The following HADH variants were observed in gnomAD, a reference collection of about 807,000 sequenced individuals.
HADH encodes hydroxyacyl-coenzyme A dehydrogenase, mitochondrial.
HADH carries 24 observed loss-of-function variants against 32.2 expected under a neutral mutation model. The observed-to-expected ratio is 0.75, with a 90% CI of 0.54 to 1.05. The LOEUF (loss-of-function observed/expected upper bound fraction) is 1.05, where lower values mean the gene tolerates loss of function less well. HADH is among the 50% of genes least tolerant of loss of function. The probability of loss-of-function intolerance (pLI) is 0.00; values close to 1 mark genes in which losing one functional copy is unlikely to be tolerated. For missense variants in HADH, 350 were observed against 397.1 expected (o/e 0.88, Z 1.01); for synonymous variants, 139 against 152.5 (o/e 0.91, Z 0.65).
chr4:108,015,700 C>T (rs934400549), intron 3 of HADH, among the ~76,000 whole-genome samples: 1 of 152,156 alleles, frequency 6.6e-6, no homozygotes, highest in Admixed American at 6.5e-5. Flanking sequence ...GTAGAATTAC[C>T]CATGGTAACA....
At chr4:108,029,841 TCTTC>T (rs1361186180) in intron 6 of HADH, 1 of 152,480 alleles carries the variant, frequency 6.6e-6, no homozygotes, top group Non-Finnish European at 1.5e-5. Flanking sequence ...CCGTCCTCAC[TCTTC>T]CTATTGCTCT....
rs777874016 is a variant in HADH at position 108,023,534 on chromosome 4, G to A, written c.607G>A (p.Ala203Thr). The stretch of plus-strand genomic sequence containing the variant: ...TGAATCTTTGGTAGACTTTAGCAAA[G>A]CCCTAGGAAAGCATCCTGTTTCTTG... ...TFESLVDFSK[A>T]LGKHPVSCKD... Residue 203 changes from alanine to threonine, a missense_variant, in exon 5 of 8, where the codon GCC (alanine) becomes ACC (threonine). Transcript: ENST00000309522. 1.1e-5 allele frequency: 18 copies of A among 1,610,366 alleles called. No individual in the cohort carries two copies. The highest frequency in any genetic ancestry group is 1.4e-5 in the Non-Finnish European group (17 of 1,176,702).
At chr4:107,992,718 A>G (rs1734849757) in intron 1 of HADH, among the ~76,000 whole-genome samples, 1 of 152,234 alleles carries the variant, frequency 6.6e-6, no homozygotes, top group Non-Finnish European at 1.5e-5. Context: ...AATTCAATGA[A>G]TTCATGCATA....
intron 1 of HADH, among the ~76,000 whole-genome samples, chr4:107,994,768 T>C (rs2612623): frequency 1.3e-5 from 2 of 152,226 alleles, no homozygotes; most frequent in African/African-American, 4.8e-5. Context: ...CTTATCTTTG[T>C]TGGGCTGTTC....
intron 1 of HADH, 100 bp from the exon 2 acceptor site, chr4:108,009,659 T>C (rs777213389): frequency 7.6e-6 from 7 of 920,738 alleles, no homozygotes; most frequent in Non-Finnish European, 1.3e-5. Context: ...GTAGAATTCA[T>C]GTGGAATATG....
chr4:108,026,538 G>A (rs907374241), intron 5 of HADH: 1 of 152,174 alleles, frequency 6.6e-6, no homozygotes. Context: ...TAATTAAGCT[G>A]ATAAAACTTG....
intron 4 of HADH, among the ~76,000 whole-genome samples, chr4:108,020,650 A>G (rs890351826): frequency 2.6e-5 from 4 of 152,138 alleles, no homozygotes; most frequent in African/African-American, 7.2e-5. Flanking sequence ...TGCACCTGAA[A>G]TGGGACAACT....
chr4:108,010,017 T>G, intron 2 of HADH, 130 bp downstream of exon 2: 1 of 689,966 alleles, frequency 1.4e-6, no homozygotes, highest in Non-Finnish European at 2.5e-6. Context: ...GTAAAACTCA[T>G]TTTTCCATAA....
At chr4:108,000,119 G>A (rs1735077040) in intron 1 of HADH, among the ~76,000 whole-genome samples, 1 of 152,176 alleles carries the variant, frequency 6.6e-6, no homozygotes, top group East Asian at 1.9e-4. Context: ...TGAAGTGGAT[G>A]ATGCAACAGC....
At chr4:108,006,920 A>G (rs774663997) in intron 1 of HADH, among the ~76,000 whole-genome samples, 2 of 152,172 alleles carry the variant, frequency 1.3e-5, no homozygotes, top group African/African-American at 2.4e-5. Flanking sequence ...TAGGCACATT[A>G]TTTAACCTCT....
intron 1 of HADH, among the ~76,000 whole-genome samples, chr4:107,991,401 CA>C (rs563922732): frequency 6.6e-6 from 1 of 151,918 alleles, no homozygotes; most frequent in African/African-American, 2.4e-5. Flanking sequence ...AAAACAAAAA[CA>C]AAAAAACCTT....
Position 108,027,669 on chromosome 4 carries a change from T to C in HADH, c.637-19T>C. On this transcript the variant is annotated intron_variant, in intron 5 of 7. Transcript: ENST00000309522. Reference sequence around the variant, plus strand: ...AATGAAAATTTACTAGTTTTTTGTTTTTCTGTCTCCCAAAACAGGACACTC... The same window carrying C: ...AATGAAAATTTACTAGTTTTTTGTTCTTCTGTCTCCCAAAACAGGACACTC... 1 of 1,558,732 alleles carries C rather than the reference T, an allele frequency of 6.4e-7. No individual in the cohort carries two copies. Among genetic ancestry groups the C allele is most frequent in the Non-Finnish European group, 8.9e-7 (1 of 1,129,396 alleles).
intron 1 of HADH, among the ~76,000 whole-genome samples, chr4:107,996,050 G>A (rs920061796): frequency 3.9e-5 from 6 of 152,126 alleles, no homozygotes; most frequent in Non-Finnish European, 8.8e-5. Flanking sequence ...TGTTCTTCCA[G>A]CCACATGTAC....
At chr4:108,000,123 C>G (rs1735077235) in intron 1 of HADH, among the ~76,000 whole-genome samples, 1 of 152,146 alleles carries the variant, frequency 6.6e-6, no homozygotes, top group African/African-American at 2.4e-5. Flanking sequence ...GTGGATGATG[C>G]AACAGCACTT....
chr4:108,011,644 T>G (rs1392408262), intron 2 of HADH, among the ~76,000 whole-genome samples: 1 of 152,226 alleles, frequency 6.6e-6, no homozygotes, highest in Non-Finnish European at 1.5e-5. Context: ...CTGTTTTCAA[T>G]TCTTTGGGTT....
At chr4:108,028,928 A>G in intron 6 of HADH, 2 of 398,624 alleles carry the variant, frequency 5.0e-6, no homozygotes, top group Non-Finnish European at 8.8e-6. Context: ...CATGCCCTTT[A>G]GCCCTCACCA....
chr4:108,025,893 C>T (rs1342049290), intron 5 of HADH: 1 of 152,138 alleles, frequency 6.6e-6, no homozygotes, highest in Non-Finnish European at 1.5e-5. Flanking sequence ...AAAAAAAAGA[C>T]TGTGTCTTTT....
rs1735575621 is a variant in HADH, at chr4:108,013,452, G to A, written c.262-979G>A. ...GCCACACCCTAAAGATAAAAGGATGGCCCCTATGCTCAAGTTGCTCAGCTC... is the reference window on the plus strand; with the variant it reads ...GCCACACCCTAAAGATAAAAGGATGACCCCTATGCTCAAGTTGCTCAGCTC... On this transcript the variant is annotated intron_variant, in intron 2 of 7. Transcript: ENST00000309522. Among the ~76,000 whole-genome samples the A allele has an allele frequency of 2.6e-5, 4 of 152,092 alleles. 1 individual carries two copies. In the South Asian group the frequency reaches 8.3e-4, roughly 32 times the overall value.
rs141845992 is a variant in HADH, at chr4:108,023,101, C to T, written c.547-373C>T. ...CTCCACCTCCCAGGTTCAAGCAATT[C>T]TTCTGCCTGGGCCTCCCAAGTAGCT... On this transcript the variant is annotated intron_variant, in intron 4 of 7. Coordinates refer to ENST00000309522, the MANE Select transcript of HADH (RefSeq NM_005327.7). Among the ~76,000 whole-genome samples the T allele has an allele frequency of 2.1e-3, 309 of 150,710 alleles. 1 individual carries two copies. Among genetic ancestry groups the T allele is most frequent in the African/African-American group, 7.0e-3 (289 of 41,030 alleles).
Sources: allele counts gnomAD v4.1 joint callset (sites outside exome capture counted in the v4.1 genomes callset), GRCh38; gene constraint gnomAD v4.1.1; transcripts MANE v1.5; gene names NCBI Gene and HGNC (gene_info 2026-07-23, HGNC 2026-07-21).